The following TYW3 variants were observed in gnomAD, a reference collection of about 807,000 sequenced individuals.
The protein encoded by TYW3 is tRNA-yW synthesizing protein 3 homolog, also known as tRNA wybutosine-synthesizing protein 3 homolog.
In TYW3, 26 loss-of-function variants were observed where a neutral mutation model predicts 23.1. The ratio of observed to expected loss-of-function variants is 1.13; its 90% CI spans 0.83 to 1.56. The LOEUF is 1.56. Ranked by LOEUF, TYW3 falls within the 40% of genes most tolerant of loss-of-function variation. The pLI, the probability that TYW3 is intolerant of heterozygous loss-of-function variation, is 0.00. For missense variants in TYW3, 316 were observed against 311.9 expected (o/e 1.01, Z -0.10); for synonymous variants, 102 against 105.7 (o/e 0.97, Z 0.21).
intron 5 of TYW3, among the ~76,000 whole-genome samples, chr1:74,758,195 T>C (rs1186293218): frequency 6.6e-6 from 1 of 152,224 alleles, no homozygotes; most frequent in Non-Finnish European, 1.5e-5. Flanking sequence ...TTAAATACTG[T>C]TCTCCAAGCT....
At chr1:74,737,634 T>C (rs1648195778) in intron 2 of TYW3, among the ~76,000 whole-genome samples, 1 of 152,174 alleles carries the variant, frequency 6.6e-6, no homozygotes. Context: ...AAATAATAAC[T>C]GTCTTGTATA....
intron 3 of TYW3, among the ~76,000 whole-genome samples, chr1:74,743,533 C>G (rs779375433): frequency 1.3e-5 from 2 of 152,102 alleles, no homozygotes; most frequent in African/African-American, 4.8e-5. Flanking sequence ...CATAGCCGCT[C>G]GAGGAAGGCA....
intron 3 of TYW3, among the ~76,000 whole-genome samples, chr1:74,739,966 G>C (rs1648294639): frequency 6.6e-6 from 1 of 152,204 alleles, no homozygotes; most frequent in Admixed American, 6.5e-5. Flanking sequence ...TAACTACTTA[G>C]GTCTGGCTGG....
At chr1:74,756,362 G>A (rs1557749815) in intron 5 of TYW3, among the ~76,000 whole-genome samples, 1 of 152,184 alleles carries the variant, frequency 6.6e-6, no homozygotes, top group Non-Finnish European at 1.5e-5. Context: ...TGACCAAAAT[G>A]CTGATAATGA....
chr1:74,741,616 A>C (rs1416928267), intron 3 of TYW3, among the ~76,000 whole-genome samples: 1 of 152,208 alleles, frequency 6.6e-6, no homozygotes, highest in Non-Finnish European at 1.5e-5. Context: ...GACATCCTTC[A>C]GGTAGGTTTT....
At chr1:74,740,345 G>T (rs1338116677) in intron 3 of TYW3, among the ~76,000 whole-genome samples, 1 of 152,226 alleles carries the variant, frequency 6.6e-6, no homozygotes, top group East Asian at 1.9e-4. Context: ...CTTCCACAGT[G>T]AGTGTTAACA....
chr1:74,750,624 C>T (rs186648981), intron 4 of TYW3, among the ~76,000 whole-genome samples: 1 of 152,186 alleles, frequency 6.6e-6, no homozygotes, highest in African/African-American at 2.4e-5. Flanking sequence ...CAGGGTCTTA[C>T]CCAGACTATT....
chr1:74,736,447 A>G, intron 1 of TYW3, 95 bp from the exon 2 acceptor site: 2 of 825,402 alleles, frequency 2.4e-6, no homozygotes, highest in Non-Finnish European at 3.5e-6. Flanking sequence ...ACTTGGGATT[A>G]TTAATTTAAG....
rs1313112404 is a variant in TYW3, at chr1:74,766,067, G to A, written c.*1954G>A. 1 of 151,990 alleles carries A rather than the reference G, an allele frequency of 6.6e-6. No homozygotes were observed. Among genetic ancestry groups the A allele is most frequent in the Non-Finnish European group, 1.5e-5 (1 of 67,998 alleles). 9.4% of individuals were successfully genotyped at this position (151,990 alleles called of 1,614,324 possible). On this transcript the variant is annotated 3_prime_UTR_variant, in exon 6 of 6. Transcript: ENST00000370867. ...TATGGTGGCCCCATAAGATTATAAT[G>A]GACCTGAAAAATTCCTATTGCTAGT...
chr1:74,736,235 A>ACAT (rs1648149469), intron 1 of TYW3: 1 of 189,290 alleles, frequency 5.3e-6, no homozygotes, highest in Non-Finnish European at 1.1e-5. Flanking sequence ...TAGCTAGAGT[A>ACAT]CAACTCAGGT....
At chr1:74,737,676 C>T (rs974857701) in intron 2 of TYW3, among the ~76,000 whole-genome samples, 2 of 152,174 alleles carry the variant, frequency 1.3e-5, no homozygotes, top group Admixed American at 1.3e-4. Context: ...TTACATGTTT[C>T]ACTAGGTGGT....
chr1:74,745,885 C>G (rs1047726480), intron 3 of TYW3, among the ~76,000 whole-genome samples: 3 of 152,214 alleles, frequency 2.0e-5, no homozygotes, highest in African/African-American at 7.2e-5. Flanking sequence ...CCTGTGTCCT[C>G]TCATGGCCCT....
At chr1:74,744,390 A>G (rs977165006) in intron 3 of TYW3, among the ~76,000 whole-genome samples, 4 of 152,068 alleles carry the variant, frequency 2.6e-5, no homozygotes, top group African/African-American at 9.7e-5. Flanking sequence ...ATGCAGAAAA[A>G]AAAAAATGAG....
rs1479199310 is a variant in TYW3 at position 74,765,667 on chromosome 1, AAGAG to A, written c.*1559_*1562del. The A allele has an allele frequency of 6.6e-6, 1 of 152,130 alleles. No homozygotes were observed. Among genetic ancestry groups the A allele is most frequent in the Non-Finnish European group, 1.5e-5 (1 of 68,006 alleles). The allele number at this position is 152,130 out of a possible 1,614,324, so 9.4% of individuals were successfully genotyped here. On this transcript the variant is annotated 3_prime_UTR_variant, in exon 6 of 6. Transcript: ENST00000370867. ...AAAAAAGTTATAAATAACAGTAGGA[AAGAG>A]AGAGTGCAGGTGGAACGAGCCTATC...
intron 5 of TYW3, among the ~76,000 whole-genome samples, chr1:74,757,549 G>A (rs571030335): frequency 4.1e-4 from 63 of 152,286 alleles, no homozygotes; most frequent in Admixed American, 1.3e-3. Flanking sequence ...TTTACCCAAT[G>A]CCCACACCAC....
intron 5 of TYW3, among the ~76,000 whole-genome samples, chr1:74,756,070 T>G (rs1404882650): frequency 6.6e-6 from 1 of 152,200 alleles, no homozygotes; most frequent in Non-Finnish European, 1.5e-5. Context: ...CCTTCCACCA[T>G]GATTGTGAGG....
chr1:74,739,855 AG>A (rs1294252376), intron 3 of TYW3, among the ~76,000 whole-genome samples: 8 of 152,236 alleles, frequency 5.3e-5, no homozygotes, highest in African/African-American at 1.9e-4. Context: ...CAGGTGAGAA[AG>A]GAATAGATTC....
intron 5 of TYW3, among the ~76,000 whole-genome samples, chr1:74,763,305 C>T (rs1649189401): frequency 6.6e-6 from 1 of 152,048 alleles, no homozygotes; most frequent in Non-Finnish European, 1.5e-5. Context: ...ATGCTTACCA[C>T]ATTTTTGTTT....
intron 1 of TYW3, among the ~76,000 whole-genome samples, chr1:74,734,344 C>T (rs1292519323): frequency 6.6e-6 from 1 of 152,144 alleles, no homozygotes; most frequent in African/African-American, 2.4e-5. Context: ...ATCAGATCGA[C>T]TGTGGTGGTA....
Sources: gnomAD v4.1 joint callset for allele counts (sites outside exome capture counted in the v4.1 genomes callset) on GRCh38, gnomAD v4.1.1 for gene constraint, MANE v1.5 for transcripts, NCBI Gene and HGNC (gene_info 2026-07-23, HGNC 2026-07-21) for gene names.